TRIM55: variants seen among roughly 807,000 people sequenced by gnomAD.
TRIM55 encodes the protein tripartite motif containing 55.
In TRIM55, 50 loss-of-function variants were observed where a neutral mutation model predicts 60.9. That is an observed-to-expected ratio of 0.82 (90% CI 0.65 to 1.04). TRIM55 has a LOEUF of 1.04. TRIM55 is among the 50% of genes least tolerant of loss of function. The probability of loss-of-function intolerance (pLI) is 0.00; values close to 1 mark genes in which losing one functional copy is unlikely to be tolerated. For missense variants in TRIM55, 681 were observed against 666.9 expected (o/e 1.02, Z -0.23); for synonymous variants, 237 against 238.1 (o/e 1.00, Z 0.04).
chr8:66,115,066 T>G, the TRIM55 span: 1 of 153,834 alleles, frequency 6.5e-6, no homozygotes, highest in South Asian at 2.0e-4. Flanking sequence ...CTCCCTATCC[T>G]AATTTTCTAG....
chr8:66,157,819 A>T (rs1428453309), intron 9 of TRIM55, among the ~76,000 whole-genome samples: 1 of 152,068 alleles, frequency 6.6e-6, no homozygotes, highest in East Asian at 1.9e-4. Flanking sequence ...CTGCTTTATC[A>T]CATACCTTAC....
At chr8:66,141,625 G>C (rs1416896792) in intron 4 of TRIM55, among the ~76,000 whole-genome samples, 1 of 152,222 alleles carries the variant, frequency 6.6e-6, no homozygotes, top group Non-Finnish European at 1.5e-5. Context: ...TATGTCACTG[G>C]ATACTTAAGG....
intron 7 of TRIM55, among the ~76,000 whole-genome samples, chr8:66,151,084 A>G (rs2128980602): frequency 6.6e-6 from 1 of 152,374 alleles, no homozygotes; most frequent in Non-Finnish European, 1.5e-5. Context: ...AATAATGTAA[A>G]GTGTCAGCAG....
In TRIM55 at chr8:66,175,416, C is replaced by T. The variant is rs1262947497; in HGVS notation, c.*823C>T. 2 of 152,066 alleles carry T rather than the reference C, an allele frequency of 1.3e-5. No homozygotes were observed. Among genetic ancestry groups the T allele is most frequent in the African/African-American group, 4.8e-5 (2 of 41,370 alleles). The allele number at this position is 152,066 out of a possible 1,614,324, so 9.4% of individuals were successfully genotyped here. On this transcript the variant is annotated 3_prime_UTR_variant, in exon 10 of 10. Coordinates refer to ENST00000315962, the MANE Select transcript of TRIM55 (RefSeq NM_184085.2). ...AATCATGCTTTGTTAATATTTGTCC[C>T]ACCATAATGCCTCCTTCAGAACATA...
the TRIM55 span, among the ~76,000 whole-genome samples, chr8:66,121,041 C>T: frequency 1.1e-4 from 16 of 152,142 alleles, no homozygotes; most frequent in African/African-American, 3.6e-4. Flanking sequence ...GGGCCCTGGC[C>T]CCTGAAAAAG....
At chr8:66,163,870 A>G (rs1811177634) in intron 9 of TRIM55, among the ~76,000 whole-genome samples, 1 of 152,220 alleles carries the variant, frequency 6.6e-6, no homozygotes, top group African/African-American at 2.4e-5. Flanking sequence ...TGAGAGAGGA[A>G]TTTTGAGATC....
chr8:66,123,379 A>G (rs1351134828), upstream of TRIM55, among the ~76,000 whole-genome samples: 1 of 152,208 alleles, frequency 6.6e-6, no homozygotes, highest in Non-Finnish European at 1.5e-5. Context: ...GTCACAGGTC[A>G]TGGTCCCCAT....
intron 9 of TRIM55, among the ~76,000 whole-genome samples, chr8:66,168,405 G>T (rs1811440577): frequency 1.3e-5 from 2 of 152,208 alleles, no homozygotes; most frequent in Admixed American, 6.5e-5. Flanking sequence ...CTAAGTAGGA[G>T]AGCGGGCCAA....
At chr8:66,146,402 T>G (rs1230703263) in intron 4 of TRIM55, among the ~76,000 whole-genome samples, 3 of 152,228 alleles carry the variant, frequency 2.0e-5, no homozygotes, top group Non-Finnish European at 4.4e-5. Context: ...AGTGATTTAA[T>G]CTTTATTTGA....
chr8:66,144,269 T>C lies in TRIM55; in HGVS notation c.604-5376T>C, dbSNP rs190126827. Among the ~76,000 whole-genome samples, 1,444 of 152,350 alleles carry C rather than the reference T, an allele frequency of 9.5e-3. 10 individuals are homozygous for C. Among genetic ancestry groups the C allele is most frequent in the Non-Finnish European group, 0.016 (1,095 of 68,030 alleles). The stretch of plus-strand genomic sequence containing the variant: ...TTAGAAACAAATATCCCACCCATCA[T>C]CATCTTACCATTTCAATATGGGAGG... On this transcript the variant is annotated intron_variant, in intron 4 of 9. Coordinates refer to ENST00000315962, the MANE Select transcript of TRIM55 (RefSeq NM_184085.2).
Position 66,127,396 on chromosome 8 carries a change from A to G in TRIM55, c.128A>G (p.Gln43Arg). 6.2e-7 allele frequency: 1 copy of G among 1,614,230 alleles called. No homozygotes were observed. The highest frequency in any genetic ancestry group is 8.5e-7 in the Non-Finnish European group (1 of 1,180,042). The change falls in exon 1 of 10, where the codon CAG becomes CGG. Residue 43 changes from glutamine (Q) to arginine (R), a missense_variant. Transcript: ENST00000315962. The part of the protein sequence containing the change: ...FTKPVVILPC[Q>R]HNLCRKCASD... ...AAACCTGTGGTGATTCTCCCTTGTC[A>G]GCACAACCTGTGTAGGAAATGTGCC... is the stretch of plus-strand genomic sequence containing the variant.
chr8:66,113,686 G>A, the TRIM55 span: 1 of 424,866 alleles, frequency 2.4e-6, no homozygotes, highest in Non-Finnish European at 4.7e-6. Context: ...AGCGACTGCC[G>A]GGTCACGACT....
At chr8:66,134,549 C>T (rs1260325583) in intron 2 of TRIM55, among the ~76,000 whole-genome samples, 2 of 152,092 alleles carry the variant, frequency 1.3e-5, no homozygotes, top group Non-Finnish European at 2.9e-5. Context: ...TGTTCTTGGT[C>T]CATAATGGGA....
chr8:66,144,650 A>G (rs1402874049), intron 4 of TRIM55, among the ~76,000 whole-genome samples: 1 of 152,236 alleles, frequency 6.6e-6, no homozygotes, highest in Non-Finnish European at 1.5e-5. Context: ...GAAAGCTCAA[A>G]AAGTGTATAT....
chr8:66,146,107 A>G (rs1368895200), intron 4 of TRIM55, among the ~76,000 whole-genome samples: 2 of 152,228 alleles, frequency 1.3e-5, no homozygotes, highest in East Asian at 3.8e-4. Flanking sequence ...ATTTGTACCT[A>G]AATTTAATAG....
the TRIM55 span, chr8:66,113,360 A>C: frequency 2.7e-5 from 10 of 376,130 alleles, no homozygotes; most frequent in Non-Finnish European, 2.6e-5. Context: ...CGACACACGT[A>C]CACGTCCCTT....
At chr8:66,166,188 C>T (rs1326710486) in intron 9 of TRIM55, among the ~76,000 whole-genome samples, 1 of 152,136 alleles carries the variant, frequency 6.6e-6, no homozygotes, top group Non-Finnish European at 1.5e-5. Context: ...GTAAATGTCA[C>T]TTTAATAGGA....
At chr8:66,156,113 T>C (rs940225833) in intron 9 of TRIM55, among the ~76,000 whole-genome samples, 31 of 152,168 alleles carry the variant, frequency 2.0e-4, no homozygotes, top group Admixed American at 2.6e-4. Context: ...CAGGTTTCCA[T>C]AGATTAAGTA....
chr8:66,130,334 GT>G (rs1809065156), intron 2 of TRIM55, among the ~76,000 whole-genome samples: 1 of 152,138 alleles, frequency 6.6e-6, no homozygotes, highest in East Asian at 1.9e-4. Flanking sequence ...TTGTTATGCT[GT>G]TTTTTCTTGA....
Sources: allele counts gnomAD v4.1 joint callset (sites outside exome capture counted in the v4.1 genomes callset), GRCh38; gene constraint gnomAD v4.1.1; transcripts MANE v1.5; gene names NCBI Gene and HGNC (gene_info 2026-07-23, HGNC 2026-07-21).